Variants in LINGO2 observed in about 807,000 individuals in gnomAD.
LINGO2 encodes the protein leucine rich repeat and Ig domain containing 2.
In LINGO2, 14 loss-of-function variants were observed where a neutral mutation model predicts 30.6. The observed-to-expected ratio is 0.46, with a 90% confidence interval of 0.30 to 0.72. The LOEUF is 0.72. Among genes scored for constraint, LINGO2 ranks in the 30% least tolerant of loss-of-function variants. The probability of loss-of-function intolerance (pLI) is 0.07; values close to 1 mark genes in which losing one functional copy is unlikely to be tolerated. For synonymous variants in LINGO2, 317 were observed against 288.5 expected (o/e 1.10, Z -1.00); for missense variants, 729 against 751.7 (o/e 0.97, Z 0.35).
intron 2 of LINGO2, among the ~76,000 whole-genome samples, chr9:28,437,575 ACAG>A (rs1824001993): frequency 6.9e-6 from 1 of 145,190 alleles, no homozygotes; most frequent in Middle Eastern, 3.2e-3. Flanking sequence ...ACACACACAC[ACAG>A]ACGCGCACAC....
chr9:28,348,648 C>G (rs1489999232), intron 3 of LINGO2, among the ~76,000 whole-genome samples: 1 of 152,134 alleles, frequency 6.6e-6, no homozygotes, highest in Middle Eastern at 3.2e-3. Context: ...GAGCCCACCA[C>G]AGCTCAAGGA....
intron 4 of LINGO2, among the ~76,000 whole-genome samples, chr9:28,279,690 G>A (rs574078474): frequency 1.3e-5 from 2 of 152,124 alleles, no homozygotes; most frequent in South Asian, 4.2e-4. Context: ...CATGTGACTT[G>A]CTTTACTGGG....
intron 3 of LINGO2, among the ~76,000 whole-genome samples, chr9:28,307,764 C>G (rs1189173246): frequency 1.3e-5 from 2 of 152,172 alleles, no homozygotes; most frequent in African/African-American, 2.4e-5. Context: ...ACAAAAATGA[C>G]AAGCATTCTT....
At chr9:28,350,651 T>A (rs1460682221) in intron 3 of LINGO2, among the ~76,000 whole-genome samples, 1 of 151,720 alleles carries the variant, frequency 6.6e-6, no homozygotes, top group Non-Finnish European at 1.5e-5. Context: ...CAAGCGGACC[T>A]AATAGGCATC....
intron 1 of LINGO2, among the ~76,000 whole-genome samples, chr9:28,552,823 C>A (rs1822376641): frequency 6.7e-6 from 1 of 149,902 alleles, no homozygotes; most frequent in African/African-American, 2.4e-5. Flanking sequence ...AACAGCTTTT[C>A]AACTTTACCC....
chr9:28,467,186 T>C (rs1416452868), intron 2 of LINGO2, among the ~76,000 whole-genome samples: 3 of 151,996 alleles, frequency 2.0e-5, no homozygotes, highest in Admixed American at 6.6e-5. Flanking sequence ...CCACCACGCC[T>C]GGCTAATTTT....
At chr9:28,355,109 A>T (rs1820115270) in intron 3 of LINGO2, among the ~76,000 whole-genome samples, 1 of 152,172 alleles carries the variant, frequency 6.6e-6, no homozygotes, top group African/African-American at 2.4e-5. Flanking sequence ...TCCACAGAAC[A>T]TTCATCTTTT....
At chr9:28,157,622 G>A (rs534943684) in intron 4 of LINGO2, among the ~76,000 whole-genome samples, 33 of 152,212 alleles carry the variant, frequency 2.2e-4, no homozygotes, top group Middle Eastern at 3.4e-3. Flanking sequence ...ATCATCTCGT[G>A]AGGCTGCAAA....
intron 4 of LINGO2, among the ~76,000 whole-genome samples, chr9:28,284,330 T>C (rs1357672654): frequency 1.3e-5 from 2 of 152,142 alleles, no homozygotes; most frequent in African/African-American, 2.4e-5. Flanking sequence ...TCAGATTAGA[T>C]TGATCTTGTG....
At chr9:28,233,558 A>T (rs1234671957) in intron 4 of LINGO2, among the ~76,000 whole-genome samples, 1 of 152,192 alleles carries the variant, frequency 6.6e-6, no homozygotes, top group African/African-American at 2.4e-5. Context: ...TAGTGTTATA[A>T]GTGTGACTTT....
At chr9:28,336,076 C>G (rs1379215166) in intron 3 of LINGO2, among the ~76,000 whole-genome samples, 2 of 152,030 alleles carry the variant, frequency 1.3e-5, no homozygotes, top group Admixed American at 6.6e-5. Flanking sequence ...GATCTAGTAT[C>G]TCAACATCTT....
intron 4 of LINGO2, among the ~76,000 whole-genome samples, chr9:28,173,431 A>T (rs1828657627): frequency 6.6e-6 from 1 of 152,178 alleles, no homozygotes; most frequent in Non-Finnish European, 1.5e-5. Context: ...GGAGGAAAAA[A>T]TTCAAAGAAT....
chr9:28,836,894 A>G, the LINGO2 span, among the ~76,000 whole-genome samples: 7 of 152,332 alleles, frequency 4.6e-5, no homozygotes, highest in East Asian at 1.4e-3. Flanking sequence ...CTCCTAACAC[A>G]TTGCAATTCT....
At chr9:28,812,111 A>G in the LINGO2 span, among the ~76,000 whole-genome samples, 4 of 151,928 alleles carry the variant, frequency 2.6e-5, no homozygotes, top group Non-Finnish European at 4.4e-5. Flanking sequence ...CCTACCATCA[A>G]TTAGCGTATA....
At chr9:28,152,622 G>C (rs1468928157) in intron 4 of LINGO2, among the ~76,000 whole-genome samples, 1 of 152,132 alleles carries the variant, frequency 6.6e-6, no homozygotes, top group African/African-American at 2.4e-5. Flanking sequence ...TTTTGGATTA[G>C]TGGAAAAATA....
the LINGO2 span, among the ~76,000 whole-genome samples, chr9:29,059,591 G>T: frequency 2.0e-5 from 3 of 151,790 alleles, no homozygotes; most frequent in East Asian, 5.8e-4. Flanking sequence ...ATCATCAATT[G>T]ATTTTCAACG....
At chr9:28,186,619 A>G (rs115343686) in intron 4 of LINGO2, among the ~76,000 whole-genome samples, 2,090 of 152,212 alleles carry the variant, frequency 0.014, 47 homozygotes, top group African/African-American at 0.048. Context: ...GGAATTTTAT[A>G]AAGAGTAGTC....
At chr9:28,326,743 T>C (rs1258507154) in intron 3 of LINGO2, among the ~76,000 whole-genome samples, 1 of 152,156 alleles carries the variant, frequency 6.6e-6, no homozygotes, top group Non-Finnish European at 1.5e-5. Context: ...ATTTTTCTAA[T>C]CCCAAATCAT....
intron 2 of LINGO2, among the ~76,000 whole-genome samples, chr9:28,472,680 T>C (rs990067297): frequency 3.9e-5 from 6 of 152,270 alleles, no homozygotes; most frequent in Non-Finnish European, 7.4e-5. Context: ...TTTTGGTCTC[T>C]TCTTTTCATA....
Sources: allele counts gnomAD v4.1 joint callset (sites outside exome capture counted in the v4.1 genomes callset), GRCh38; gene constraint gnomAD v4.1.1; transcripts MANE v1.5; gene names NCBI Gene and HGNC (gene_info 2026-07-23, HGNC 2026-07-21).